BRSK2: variants seen among roughly 807,000 people sequenced by gnomAD.
The protein encoded by BRSK2 is BR serine/threonine kinase 2, also known as serine/threonine-protein kinase BRSK2.
A neutral mutation model predicts 83.3 loss-of-function variants in BRSK2; 19 were observed. The ratio of observed to expected loss-of-function variants is 0.23; its 90% CI spans 0.16 to 0.33. The LOEUF (loss-of-function observed/expected upper bound fraction) is 0.33, where lower values mean the gene tolerates loss of function less well. Ranked by LOEUF, BRSK2 falls within the 10% of genes least tolerant of loss-of-function variation. BRSK2 has a pLI of 1.00. For synonymous variants in BRSK2, 519 were observed against 435.4 expected, an observed-to-expected ratio of 1.19 and a Z score of -2.39; for missense variants, 798 against 1,042.3, an observed-to-expected ratio of 0.77 and a Z score of 3.23.
At position 1,460,571 on chromosome 11, in the gene BRSK2, C is replaced by T. The variant is rs2133316932; in HGVS notation, c.2059C>T (p.Gln687Ter). The change falls in exon 20 of 20, where the codon CAG becomes TAG. Residue 687 changes from glutamine (Q) to a stop codon, truncating the protein, a stop_gained. Coordinates refer to ENST00000528841, the MANE Select transcript of BRSK2 (RefSeq NM_001256627.2). LOFTEE classifies it high-confidence loss of function. ...AGACGAGAAGAACGGGCAGGCGGCC[C>T]AGGCCCCCAGCACGCCCGCCAAGCG... ...FSDEKNGQAAQAPSTPAKRSA... is the reference protein window; with the variant it reads ...FSDEKNGQAA 1 of 1,532,836 alleles carries T rather than the reference C, an allele frequency of 6.5e-7. No homozygotes were observed. Among genetic ancestry groups the T allele is most frequent in the Non-Finnish European group, 8.7e-7 (1 of 1,145,254 alleles). 95.0% of individuals were successfully genotyped at this position (1,532,836 alleles called of 1,614,324 possible).
intron 1 of BRSK2, among the ~76,000 whole-genome samples, chr11:1,391,081 T>C (rs1845697292): frequency 6.6e-6 from 1 of 152,114 alleles, no homozygotes; most frequent in South Asian, 2.1e-4. Flanking sequence ...GGCCTGGCTG[T>C]CATTCTAGGG....
Position 1,459,308 on chromosome 11 carries a change from G to A in BRSK2, c.1987+69G>A, listed in dbSNP as rs1847101790. On this transcript the variant is annotated intron_variant, in intron 19 of 19. Transcript: ENST00000528841. ...CACCGCTCACCCTCAGCCCGCTGTGGCCGCCACCTGCCGCCCGGGTTGTCC... is the reference window on the plus strand; with the variant it reads ...CACCGCTCACCCTCAGCCCGCTGTGACCGCCACCTGCCGCCCGGGTTGTCC... The A allele has an allele frequency of 1.3e-5, 21 of 1,555,610 alleles. No homozygotes were observed. In the East Asian group the frequency reaches 4.5e-4, roughly 33 times the overall value.
intron 1 of BRSK2, among the ~76,000 whole-genome samples, chr11:1,404,813 T>G (rs915178069): frequency 1.3e-5 from 2 of 152,170 alleles, no homozygotes; most frequent in African/African-American, 4.8e-5. Context: ...AGATTACTGC[T>G]GCGACGGCTC....
intron 1 of BRSK2, among the ~76,000 whole-genome samples, chr11:1,406,242 T>G (rs541227989): frequency 2.0e-4 from 30 of 149,570 alleles, no homozygotes; most frequent in African/African-American, 7.4e-4. Context: ...AGGCCAAGGC[T>G]GCCAAGGTCA....
intron 1 of BRSK2, among the ~76,000 whole-genome samples, chr11:1,413,827 G>T (rs148558513): frequency 0.024 from 3,586 of 152,302 alleles, 55 homozygotes; most frequent in Non-Finnish European, 0.033. Context: ...GAGCCAAGGA[G>T]CAGCCCCAGG....
At chr11:1,459,264 G>C (rs534638646) in intron 19 of BRSK2, 25 bp downstream of exon 19, 1 of 1,611,544 alleles carries the variant, frequency 6.2e-7, no homozygotes, top group South Asian at 1.1e-5. Context: ...CGCTCACCTG[G>C]CACCTCCACC....
chr11:1,446,275 G>A (rs1852099282), intron 12 of BRSK2, among the ~76,000 whole-genome samples: 1 of 150,938 alleles, frequency 6.6e-6, no homozygotes, highest in African/African-American at 2.4e-5. Flanking sequence ...GAATTAGGGT[G>A]GGCGGGGCTG....
intron 2 of BRSK2, among the ~76,000 whole-genome samples, chr11:1,436,930 C>T (rs1348347904): frequency 6.6e-6 from 1 of 151,736 alleles, no homozygotes; most frequent in Non-Finnish European, 1.5e-5. Flanking sequence ...ATGTTGGGCA[C>T]CCCCCAGCTG....
chr11:1,433,594 G>A (rs896143413), intron 1 of BRSK2, among the ~76,000 whole-genome samples: 5 of 152,266 alleles, frequency 3.3e-5, no homozygotes, highest in African/African-American at 7.2e-5. Context: ...TCCGTGTGTG[G>A]GGCTGAGTCC....
At chr11:1,451,312 G>A (rs1845792504) in intron 14 of BRSK2, 59 bp from the exon 15 acceptor site, 1 of 1,601,122 alleles carries the variant, frequency 6.2e-7, no homozygotes, top group Admixed American at 1.7e-5. Context: ...AGGTGGCCAG[G>A]GCAGGGGAAG....
intron 1 of BRSK2, among the ~76,000 whole-genome samples, chr11:1,395,298 C>T (rs573263109): frequency 4.5e-4 from 68 of 152,322 alleles, no homozygotes; most frequent in African/African-American, 1.6e-3. Flanking sequence ...GGGGAGCCAG[C>T]ATGGTGGGTA....
intron 1 of BRSK2, among the ~76,000 whole-genome samples, chr11:1,422,487 A>G (rs1848732369): frequency 6.6e-6 from 1 of 151,916 alleles, no homozygotes; most frequent in Non-Finnish European, 1.5e-5. Flanking sequence ...GCGAGTGAGG[A>G]GCTGTGGGGA....
intron 1 of BRSK2, among the ~76,000 whole-genome samples, chr11:1,407,059 G>C (rs1846928886): frequency 6.6e-6 from 1 of 152,140 alleles, no homozygotes; most frequent in African/African-American, 2.4e-5. Flanking sequence ...CCCAGGGAAG[G>C]GGGTCCCAAC....
At position 1,418,287 on chromosome 11, in the gene BRSK2, C is replaced by CA. The variant is rs542725138; in HGVS notation, c.92-17753_92-17752insA. 1.7e-3 allele frequency among the ~76,000 whole-genome samples: 246 copies of CA among 144,670 alleles called. 2 individuals are homozygous for CA. The highest frequency in any genetic ancestry group is 6.4e-3 in the African/African-American group (239 of 37,614). The allele number at this position is 144,670 out of a possible 152,430, so 94.9% of individuals were successfully genotyped here. The stretch of plus-strand genomic sequence containing the variant: ...TGTTTCTTCTCTTGAGAGTGGGTCA[C>CA]CTGTGTCCTGCTTCTCTGTTGGCTG... On this transcript the variant is annotated intron_variant, in intron 1 of 19. Coordinates refer to ENST00000528841, the MANE Select transcript of BRSK2 (RefSeq NM_001256627.2).
rs551613643 is a variant in BRSK2 at position 1,440,830 on chromosome 11, C to T, written c.315C>T (p.Asp105=). The change falls in exon 4 of 20, where the codon GAC becomes GAT. Residue 105 remains aspartate, a synonymous_variant. Coordinates refer to ENST00000528841, the MANE Select transcript of BRSK2 (RefSeq NM_001256627.2). ...LEHVSGGELF[D]YLVKKGRLTP... is the part of the protein sequence containing the mutation. ...ACGTGTCAGGTGGTGAGCTCTTCGA[C>T]TACCTGGTGAAGAAGGGGAGGCTGA... The T allele has an allele frequency of 1.3e-6, 2 of 1,598,030 alleles. No homozygotes were observed. The highest frequency in any genetic ancestry group is 1.1e-5 in the South Asian group (1 of 88,662).
In BRSK2 at chr11:1,460,887, G is replaced by A. The variant is rs371914885; in HGVS notation, c.*164G>A. On this transcript the variant is annotated 3_prime_UTR_variant, in exon 20 of 20. Transcript: ENST00000528841. ...GCGTTGGGGCCGGCCTGTGGGCTGCGCCACCCGCGCCCGCTCTCTTTTCTC... is the reference window on the plus strand; with the variant it reads ...GCGTTGGGGCCGGCCTGTGGGCTGCACCACCCGCGCCCGCTCTCTTTTCTC... 5.6e-6 allele frequency: 9 copies of A among 1,598,632 alleles called. No homozygotes were observed. The highest frequency in any genetic ancestry group is 1.1e-5 in the South Asian group (1 of 89,092).
At chr11:1,415,769 C>T (rs370594081) in intron 1 of BRSK2, among the ~76,000 whole-genome samples, 10 of 151,818 alleles carry the variant, frequency 6.6e-5, no homozygotes, top group Admixed American at 3.3e-4. Context: ...ACTGCCCACA[C>T]GGTGGTCCCA....
Position 1,443,415 on chromosome 11 carries a change from G to T in BRSK2, c.633+12G>T, listed in dbSNP as rs1564852022. ...TCGCCTTGCTGGTGGTGAGACCCTG[G>T]CCCCCTCAACCCTGCCCTGGCCTCT... On this transcript the variant is annotated intron_variant, in intron 7 of 19. Coordinates refer to ENST00000528841, the MANE Select transcript of BRSK2 (RefSeq NM_001256627.2). 6.3e-7 allele frequency: 1 copy of T among 1,597,520 alleles called. No individual in the cohort carries two copies. The highest frequency in any genetic ancestry group is 1.7e-5 in the Admixed American group (1 of 58,268).
intron 15 of BRSK2, among the ~76,000 whole-genome samples, chr11:1,453,366 C>T (rs1201706936): frequency 1.3e-5 from 2 of 152,234 alleles, no homozygotes; most frequent in Non-Finnish European, 2.9e-5. Context: ...CACGTTTGTA[C>T]CATCTGTCCT....
Sources: allele counts gnomAD v4.1 joint callset (sites outside exome capture counted in the v4.1 genomes callset), GRCh38; gene constraint gnomAD v4.1.1; transcripts MANE v1.5; gene names NCBI Gene and HGNC (gene_info 2026-07-23, HGNC 2026-07-21).